TOB2: variants seen among roughly 807,000 people sequenced by gnomAD.
TOB2 encodes protein Tob2.
A neutral mutation model predicts 17.3 loss-of-function variants in TOB2; 3 were observed. The observed-to-expected ratio is 0.17, with a 90% CI of 0.08 to 0.45. The LOEUF is 0.45. Among genes scored for constraint, TOB2 ranks in the 20% least tolerant of loss-of-function variants. The pLI, the probability that TOB2 is intolerant of heterozygous loss-of-function variation, is 0.99. For synonymous variants in TOB2, 163 were observed against 185.6 expected (o/e 0.88, Z 0.99); for missense variants, 407 against 445.7 (o/e 0.91, Z 0.78).
chr22:41,444,623 G>C (rs965415880), intron 1 of TOB2, among the ~76,000 whole-genome samples: 8 of 152,258 alleles, frequency 5.3e-5, no homozygotes, highest in Non-Finnish European at 1.0e-4. Context: ...GAAGAGCCCA[G>C]GAAAAGTTTC....
In TOB2 at chr22:41,436,055, A is replaced by G; in HGVS notation, c.*256T>C. On this transcript the variant is annotated 3_prime_UTR_variant, in exon 2 of 2. Transcript: ENST00000327492. This position sits in a 1 kb window ranked among gnomAD's most constrained non-coding sequence, Gnocchi z 4.8. Reference sequence around the variant, plus strand: ...GAAAACTACATGTAAGAAAAAAAAAAAAGAAAAAGAAATATAAAACCCAAA... The same window carrying G: ...GAAAACTACATGTAAGAAAAAAAAAGAAGAAAAAGAAATATAAAACCCAAA... The G allele has an allele frequency of 2.5e-6, 1 of 395,128 alleles. No individual in the cohort carries two copies. Among genetic ancestry groups the G allele is most frequent in the Non-Finnish European group, 4.5e-6 (1 of 224,262 alleles). 24.5% of individuals were successfully genotyped at this position (395,128 alleles called of 1,614,324 possible). A position where few individuals can be genotyped will look rare whatever the true frequency, so the allele number is the denominator to read the frequency against.
At chr22:41,438,209 G>A (rs1179051701) in intron 1 of TOB2, among the ~76,000 whole-genome samples, 2 of 152,134 alleles carry the variant, frequency 1.3e-5, no homozygotes, top group Non-Finnish European at 2.9e-5. Context: ...AGGGATACAG[G>A]TCACTGAACA....
Position 41,446,516 on chromosome 22 carries a change from C to T in TOB2, c.-200G>A, listed in dbSNP as rs1031224030. On this transcript the variant is annotated 5_prime_UTR_variant, in exon 1 of 2. Transcript: ENST00000327492. ...GCCAGGGGACCGAAGTCCTTTTCGTCGTTGAGGGTTGGGGGACGAAGCAGG... is the reference window on the plus strand; with the variant it reads ...GCCAGGGGACCGAAGTCCTTTTCGTTGTTGAGGGTTGGGGGACGAAGCAGG... 3 of 152,376 alleles carry T rather than the reference C, an allele frequency of 2.0e-5. No homozygotes were observed. The highest frequency in any genetic ancestry group is 2.9e-5 in the Non-Finnish European group (2 of 68,238). The allele number at this position is 152,376 out of a possible 1,614,324, so 9.4% of individuals were successfully genotyped here.
intron 1 of TOB2, among the ~76,000 whole-genome samples, chr22:41,440,258 C>CG (rs2037600239): frequency 1.3e-5 from 2 of 149,984 alleles, no homozygotes; most frequent in African/African-American, 4.9e-5. Flanking sequence ...GCTGGGATTA[C>CG]AGGCGTGCAC....
chr22:41,445,882 C>T (rs2037679307), intron 1 of TOB2, among the ~76,000 whole-genome samples: 1 of 152,142 alleles, frequency 6.6e-6, no homozygotes, highest in African/African-American at 2.4e-5. Flanking sequence ...AAGGGGGTGT[C>T]CACCCTCCAC....
At chr22:41,438,096 A>T (rs1377476708) in intron 1 of TOB2, among the ~76,000 whole-genome samples, 1 of 152,160 alleles carries the variant, frequency 6.6e-6, no homozygotes, top group African/African-American at 2.4e-5. Flanking sequence ...GGTGAAGAAG[A>T]AGTCTCTTGC....
Position 41,436,204 on chromosome 22 carries a change from G to T in TOB2, c.*107C>A. 1 of 1,382,222 alleles carries T rather than the reference G, an allele frequency of 7.2e-7. No homozygotes were observed. Among genetic ancestry groups the T allele is most frequent in the Non-Finnish European group, 9.5e-7 (1 of 1,053,222 alleles). 85.6% of individuals were successfully genotyped at this position (1,382,222 alleles called of 1,614,324 possible). On this transcript the variant is annotated 3_prime_UTR_variant, in exon 2 of 2. Coordinates refer to ENST00000327492, the MANE Select transcript of TOB2 (RefSeq NM_016272.4). This position sits in a 1 kb window ranked among gnomAD's most constrained non-coding sequence, Gnocchi z 4.8. ...ATCTTTTTTCTAGAAGTAAGAGTGA[G>T]AAGATCGAAAATCTTTTTGTACATT...
intron 1 of TOB2, among the ~76,000 whole-genome samples, chr22:41,444,464 A>G: frequency 6.6e-6 from 1 of 152,156 alleles, no homozygotes; most frequent in Admixed American, 6.5e-5. Flanking sequence ...CCCGCTCTGC[A>G]CTCTGGGAAT....
chr22:41,441,710 G>A (rs1204333050), intron 1 of TOB2, among the ~76,000 whole-genome samples: 2 of 151,914 alleles, frequency 1.3e-5, no homozygotes, highest in African/African-American at 2.4e-5. Flanking sequence ...TCAGGAGTCC[G>A]AGACCAGCCT....
chr22:41,444,052 CCTACAATGACGGA>C (rs2037651874), intron 1 of TOB2, among the ~76,000 whole-genome samples: 1 of 152,236 alleles, frequency 6.6e-6, no homozygotes. Context: ...TGCAAACTGT[CCTACAATGACGGA>C]CTACAGGACT....
chr22:41,436,126 G>T lies in TOB2; in HGVS notation c.*185C>A. On this transcript the variant is annotated 3_prime_UTR_variant, in exon 2 of 2. Transcript: ENST00000327492. This position sits in a 1 kb window ranked among gnomAD's most constrained non-coding sequence, Gnocchi z 4.8. Reference sequence around the variant, plus strand: ...CCGGTGGGCGAGCGGTAAGGGGTGAGTGAAACACACTTGGGTGCTTTGCAG... The same window carrying T: ...CCGGTGGGCGAGCGGTAAGGGGTGATTGAAACACACTTGGGTGCTTTGCAG... 4.6e-6 allele frequency: 3 copies of T among 656,696 alleles called. No homozygotes were observed. The highest frequency in any genetic ancestry group is 3.9e-5 in the South Asian group (1 of 25,826). The allele number at this position is 656,696 out of a possible 1,614,324, so 40.7% of individuals were successfully genotyped here. A position where few individuals can be genotyped will look rare whatever the true frequency, so the allele number is the denominator to read the frequency against.
At chr22:41,441,422 C>T (rs186936167) in intron 1 of TOB2, among the ~76,000 whole-genome samples, 252 of 152,246 alleles carry the variant, frequency 1.7e-3, no homozygotes, top group African/African-American at 5.9e-3. Context: ...TGAGCCTTCT[C>T]TCAGGAACAG....
At position 41,436,530 on chromosome 22, in the gene TOB2, AAAG is replaced by A. The variant is rs1175202983; in HGVS notation, c.813_815del (p.Phe272del). On this transcript the variant is annotated inframe_deletion, in exon 2 of 2. Transcript: ENST00000327492. This position sits in a 1 kb window ranked among gnomAD's most constrained non-coding sequence, Gnocchi z 4.8. ...CGCTGCCCTGGCCATCGGCCGCATC[AAAG>A]AAGAGGCTGGGTGAGCCACCACCGT... 4 of 1,611,668 alleles carry A rather than the reference AAAG, an allele frequency of 2.5e-6. No homozygotes were observed. The highest frequency in any genetic ancestry group is 1.3e-5 in the African/African-American group (1 of 75,028).
intron 1 of TOB2, among the ~76,000 whole-genome samples, chr22:41,446,078 G>A (rs566463408): frequency 6.6e-6 from 1 of 152,270 alleles, no homozygotes; most frequent in African/African-American, 2.4e-5. Context: ...AGGATATAAA[G>A]AACCGGGGGA....
intron 1 of TOB2, among the ~76,000 whole-genome samples, chr22:41,444,476 G>A (rs944313413): frequency 4.6e-5 from 7 of 152,334 alleles, no homozygotes; most frequent in Middle Eastern, 3.4e-3. Flanking sequence ...TCTGGGAATT[G>A]TAGTCCTCAA....
intron 1 of TOB2, among the ~76,000 whole-genome samples, chr22:41,438,845 T>C (rs1354655023): frequency 6.6e-6 from 1 of 151,482 alleles, no homozygotes; most frequent in Non-Finnish European, 1.5e-5. Context: ...GGAAAGAAAT[T>C]TTCCATCACC....
chr22:41,436,966 T>C lies in TOB2; in HGVS notation c.380A>G (p.Lys127Arg). Residue 127 changes from lysine (K) to arginine (R), a missense_variant, in exon 2 of 2, where the codon AAG (lysine) becomes AGG (arginine). Coordinates refer to ENST00000327492, the MANE Select transcript of TOB2 (RefSeq NM_016272.4). This position sits in a 1 kb window ranked among gnomAD's most constrained non-coding sequence, Gnocchi z 4.8. ...SEGCGAPELD[K>R]EIKSSFNPDA... is the part of the protein sequence containing the mutation. ...AGGGTTGAAGCTGCTCTTGATCTCC[T>C]TGTCCAGCTCTGGGGCACCGCAACC... 1 of 1,614,160 alleles carries C rather than the reference T, an allele frequency of 6.2e-7. No individual in the cohort carries two copies. Among genetic ancestry groups the C allele is most frequent in the Non-Finnish European group, 8.5e-7 (1 of 1,180,026 alleles).
intron 1 of TOB2, among the ~76,000 whole-genome samples, chr22:41,439,846 G>GA (rs1476754019): frequency 6.6e-6 from 1 of 152,030 alleles, no homozygotes; most frequent in African/African-American, 2.4e-5. Flanking sequence ...TAAATCCTCA[G>GA]AAAAAGATTT....
rs982895194 is a variant in TOB2, at chr22:41,434,570, G to A, written c.*1741C>T. 3.9e-5 allele frequency: 6 copies of A among 153,196 alleles called. No individual in the cohort carries two copies. The highest frequency in any genetic ancestry group is 1.2e-4 in the African/African-American group (5 of 41,454). The allele number at this position is 153,196 out of a possible 1,614,324, so 9.5% of individuals were successfully genotyped here. A position where few individuals can be genotyped will look rare whatever the true frequency, so the allele number is the denominator to read the frequency against. ...GGAGGTAGAGCTGGTGCCTACTGCA[G>A]GGAGAGGAGGCTGGCAGTGCTGGCC... On this transcript the variant is annotated 3_prime_UTR_variant, in exon 2 of 2. Transcript: ENST00000327492.
Sources: gnomAD v4.1 joint callset for allele counts (sites outside exome capture counted in the v4.1 genomes callset) on GRCh38, gnomAD v4.1.1 for gene constraint, Gnocchi (gnomAD v3.1) non-coding constraint, MANE v1.5 for transcripts, NCBI Gene and HGNC (gene_info 2026-07-23, HGNC 2026-07-21) for gene names.